The following CNTN1 variants were observed in gnomAD, a reference collection of about 807,000 sequenced individuals.
The protein encoded by CNTN1 is contactin 1.
In CNTN1, 38 loss-of-function variants were observed where a neutral mutation model predicts 126.4. The ratio of observed to expected loss-of-function variants is 0.30; its 90% CI spans 0.23 to 0.39. CNTN1 has a LOEUF of 0.39. CNTN1 is among the 10% of genes least tolerant of loss of function. The pLI, the probability that CNTN1 is intolerant of heterozygous loss-of-function variation, is 1.00. For synonymous variants in CNTN1, 413 were observed against 422.6 expected (o/e 0.98, Z 0.28); for missense variants, 1,009 against 1,248.4 (o/e 0.81, Z 2.89).
At chr12:40,707,137 T>C (rs1371226931) in intron 1 of CNTN1, among the ~76,000 whole-genome samples, 1 of 151,138 alleles carries the variant, frequency 6.6e-6, no homozygotes, top group Non-Finnish European at 1.5e-5. Flanking sequence ...ACCTCAAGGA[T>C]CACCACAATG....
intron 23 of CNTN1, among the ~76,000 whole-genome samples, chr12:41,048,114 G>A (rs11179605): frequency 0.63 from 96,060 of 151,966 alleles, 31,833 homozygotes; most frequent in African/African-American, 0.84. Flanking sequence ...GGCTAAAGGA[G>A]TGGATTAAAT....
chr12:40,854,388 G>T (rs1942824742), intron 1 of CNTN1, among the ~76,000 whole-genome samples: 1 of 151,816 alleles, frequency 6.6e-6, no homozygotes, highest in African/African-American at 2.4e-5. Flanking sequence ...ACAACATGGG[G>T]GAATAATTAG....
At chr12:40,870,182 T>C (rs1039662724) in intron 1 of CNTN1, among the ~76,000 whole-genome samples, 2 of 150,402 alleles carry the variant, frequency 1.3e-5, no homozygotes, top group Non-Finnish European at 3.0e-5. Context: ...TTTTTTTTTC[T>C]AAATTGCCTA....
At chr12:40,976,542 AG>A (rs774917705) in intron 15 of CNTN1, among the ~76,000 whole-genome samples, 14,004 of 145,578 alleles carry the variant, frequency 0.096, 708 homozygotes, top group Non-Finnish European at 0.12. Context: ...AACTAAAAAA[AG>A]AAAAAAAAAA....
intron 1 of CNTN1, among the ~76,000 whole-genome samples, chr12:40,716,232 G>C (rs1171809751): frequency 6.7e-6 from 1 of 149,668 alleles, no homozygotes; most frequent in Non-Finnish European, 1.5e-5. Context: ...CTCTCTCTCT[G>C]TGTCTCTCTC....
intron 1 of CNTN1, among the ~76,000 whole-genome samples, chr12:40,782,547 A>T (rs547591656): frequency 1.2e-4 from 19 of 152,066 alleles, no homozygotes; most frequent in African/African-American, 4.3e-4. Flanking sequence ...ACTTTGGATC[A>T]TTTCTAGTGT....
intron 23 of CNTN1, among the ~76,000 whole-genome samples, chr12:41,032,216 G>A (rs1039731180): frequency 6.6e-6 from 1 of 151,926 alleles, no homozygotes; most frequent in Non-Finnish European, 1.5e-5. Context: ...CAATAGACAG[G>A]GGGGTTTTTT....
chr12:41,060,526 G>T (rs1949918252), intron 23 of CNTN1, among the ~76,000 whole-genome samples: 1 of 152,190 alleles, frequency 6.6e-6, no homozygotes, highest in South Asian at 2.1e-4. Flanking sequence ...GGCATTTGAA[G>T]TTGCCAGTCT....
intron 3 of CNTN1, among the ~76,000 whole-genome samples, chr12:40,915,191 C>T (rs1417259815): frequency 6.6e-6 from 1 of 152,064 alleles, no homozygotes; most frequent in Non-Finnish European, 1.5e-5. Flanking sequence ...TGAAAATCTA[C>T]TAATCTTTAC....
At chr12:40,913,018 T>G (rs1945099377) in intron 3 of CNTN1, among the ~76,000 whole-genome samples, 1 of 152,182 alleles carries the variant, frequency 6.6e-6, no homozygotes, top group South Asian at 2.1e-4. Context: ...GCTTCAGAGG[T>G]GGGTCACAGG....
At position 40,714,261 on chromosome 12, in the gene CNTN1, C is replaced by T. The variant is rs559900332; in HGVS notation, c.-77+21669C>T. Among the ~76,000 whole-genome samples, 12 of 152,140 alleles carry T rather than the reference C, an allele frequency of 7.9e-5. No homozygotes were observed. The East Asian group carries it at 1.2e-3, about 15-fold the overall frequency. ...TCAAGAAAGTCAAGCAGTTTGGGCA[C>T]TTCATGAAGAAAAGTGGAACAGTAT... On this transcript the variant is annotated intron_variant, in intron 1 of 23. Coordinates refer to ENST00000551295, the MANE Select transcript of CNTN1 (RefSeq NM_001843.4).
chr12:40,976,540 AAAG>A (rs1280705356), intron 15 of CNTN1, among the ~76,000 whole-genome samples: 9 of 149,918 alleles, frequency 6.0e-5, no homozygotes, highest in African/African-American at 9.8e-5. Flanking sequence ...GAAACTAAAA[AAAG>A]AAAAAAAAAA....
At chr12:40,939,803 T>G (rs537983597) in intron 12 of CNTN1, among the ~76,000 whole-genome samples, 2 of 152,294 alleles carry the variant, frequency 1.3e-5, no homozygotes, top group Non-Finnish European at 2.9e-5. Context: ...GTAGGATCTC[T>G]CTAACATATT....
chr12:41,007,400 G>T (rs1275468876), intron 17 of CNTN1, among the ~76,000 whole-genome samples: 1 of 152,150 alleles, frequency 6.6e-6, no homozygotes, highest in Admixed American at 6.5e-5. Context: ...GTTATTTAAA[G>T]AAATGGATAT....
At chr12:40,869,624 A>G (rs1369951553) in intron 1 of CNTN1, among the ~76,000 whole-genome samples, 1 of 152,126 alleles carries the variant, frequency 6.6e-6, no homozygotes, top group Non-Finnish European at 1.5e-5. Flanking sequence ...AGAATGAACT[A>G]TAGTTCATAG....
chr12:41,023,679 T>G (rs1948976037), intron 20 of CNTN1, among the ~76,000 whole-genome samples: 1 of 152,234 alleles, frequency 6.6e-6, no homozygotes, highest in African/African-American at 2.4e-5. Context: ...TCAGTCATCA[T>G]AAAAGATGAA....
rs148589289 is a variant in CNTN1 at position 41,041,830 on chromosome 12, C to T, written c.2980+12611C>T. 6.4e-4 allele frequency among the ~76,000 whole-genome samples: 98 copies of T among 151,988 alleles called. No homozygotes were observed. The East Asian group carries it at 0.015, about 23-fold the overall frequency. On this transcript the variant is annotated intron_variant, in intron 23 of 23. Coordinates refer to ENST00000551295, the MANE Select transcript of CNTN1 (RefSeq NM_001843.4). The stretch of plus-strand genomic sequence containing the variant: ...TTTTCTTCTTTATTTGTCTTGCTAG[C>T]GGTCTATCAATTTTGTTGATCCTTT...
At chr12:40,872,131 T>C (rs949949123) in intron 1 of CNTN1, among the ~76,000 whole-genome samples, 48 of 151,936 alleles carry the variant, frequency 3.2e-4, no homozygotes, top group African/African-American at 1.1e-3. Context: ...CAAATGAATT[T>C]TAAAAAGATC....
rs140931448 is a variant in CNTN1 at position 40,902,518 on chromosome 12, G to A, written c.-76-5839G>A. Among the ~76,000 whole-genome samples the A allele has an allele frequency of 5.5e-3, 844 of 152,232 alleles. 2 individuals carry two copies. Among genetic ancestry groups the A allele is most frequent in the Non-Finnish European group, 7.0e-3 (478 of 68,022 alleles). ...TTTTTAAAAAATGAACTTTCACGAG[G>A]TTGAAATAGAGGTACAATTTATGGA... On this transcript the variant is annotated intron_variant, in intron 1 of 23. Coordinates refer to ENST00000551295, the MANE Select transcript of CNTN1 (RefSeq NM_001843.4).
Sources: gnomAD v4.1 joint callset for allele counts (sites outside exome capture counted in the v4.1 genomes callset) on GRCh38, gnomAD v4.1.1 for gene constraint, MANE v1.5 for transcripts, NCBI Gene and HGNC (gene_info 2026-07-23, HGNC 2026-07-21) for gene names.